DYNC2H1: variants seen among roughly 807,000 people sequenced by gnomAD.
The protein encoded by DYNC2H1 is cytoplasmic dynein 2 heavy chain 1.
DYNC2H1 carries 410 observed loss-of-function variants against 570.0 expected under a neutral mutation model. The observed-to-expected ratio is 0.72, with a 90% CI of 0.66 to 0.78. The LOEUF (loss-of-function observed/expected upper bound fraction) is 0.78, where lower values mean the gene tolerates loss of function less well. Ranked by LOEUF, DYNC2H1 falls within the 30% of genes least tolerant of loss-of-function variation. The pLI is 0.00. For synonymous variants in DYNC2H1, 1,688 were observed against 1,677.6 expected, an observed-to-expected ratio of 1.01 and a Z score of -0.15; for missense variants, 4,865 against 5,046.4, an observed-to-expected ratio of 0.96 and a Z score of 1.09.
chr11:103,441,733 T>A (rs1944275659), intron 85 of DYNC2H1, among the ~76,000 whole-genome samples: 1 of 152,192 alleles, frequency 6.6e-6, no homozygotes, highest in Non-Finnish European at 1.5e-5. Context: ...TCTATCTAAA[T>A]CTACCCATAA....
Position 103,191,642 on chromosome 11 carries a change from T to TTG in DYNC2H1, c.7540+42_7540+43dup, listed in dbSNP as rs146014868. ...GAGGTGAGTTTTGCTAGTGTGTATC[T>TTG]TGTGTGTGTGTGTGTGTGTGCACAT... On this transcript the variant is annotated intron_variant, in intron 46 of 88. Transcript: ENST00000375735. 0.086 allele frequency: 116,688 copies of TTG among 1,363,006 alleles called. 3,384 individuals are homozygous for TTG. Among genetic ancestry groups the TTG allele is most frequent in the East Asian group, 0.12 (4,872 of 41,434 alleles). The allele number at this position is 1,363,006 out of a possible 1,614,324, so 84.4% of individuals were successfully genotyped here.
chr11:103,447,219 T>A (rs961726321), intron 85 of DYNC2H1, among the ~76,000 whole-genome samples: 1 of 152,154 alleles, frequency 6.6e-6, no homozygotes, highest in African/African-American at 2.4e-5. Flanking sequence ...ATAAGTTTAA[T>A]TTAAAAAATA....
chr11:103,149,553 G>A (rs564070175), intron 20 of DYNC2H1, among the ~76,000 whole-genome samples: 1 of 152,278 alleles, frequency 6.6e-6, no homozygotes, highest in Admixed American at 6.5e-5. Flanking sequence ...TTATGTGATA[G>A]ACTTAAAGGT....
Position 103,236,476 on chromosome 11 carries a change from T to C in DYNC2H1, c.9756T>C (p.Ile3252=). The C allele has an allele frequency of 1.9e-6, 3 of 1,610,318 alleles. No homozygotes were observed. The highest frequency in any genetic ancestry group is 1.3e-5 in the African/African-American group (1 of 74,930). ...RFLCTESEQL[I]WKSEGLPSDD... ...TTTGTACTGAAAGTGAGCAGTTAATTTGGAAAAGTGAAGGCCTACCATCAG... is the reference window on the plus strand; with the variant it reads ...TTTGTACTGAAAGTGAGCAGTTAATCTGGAAAAGTGAAGGCCTACCATCAG... The change falls in exon 63 of 89, where the codon ATT becomes ATC. Residue 3252 remains isoleucine (I), a synonymous_variant. Transcript: ENST00000375735.
chr11:103,122,623 G>A (rs947686604), intron 10 of DYNC2H1, among the ~76,000 whole-genome samples: 8 of 152,080 alleles, frequency 5.3e-5, no homozygotes, highest in East Asian at 1.9e-4. Flanking sequence ...ATCCTCTTGC[G>A]TTTGCTCTTC....
chr11:103,113,834 T>G, intron 2 of DYNC2H1, 127 bp downstream of exon 2: 1 of 868,980 alleles, frequency 1.2e-6, no homozygotes, highest in East Asian at 3.2e-5. Context: ...TATCTTTTCT[T>G]AACTTTTTTT....
rs1862730721 is a variant in DYNC2H1, at chr11:103,201,857, G to A, written c.8197+1703G>A. Among the ~76,000 whole-genome samples the A allele has an allele frequency of 6.6e-6, 1 of 152,118 alleles. No homozygotes were observed. Among genetic ancestry groups the A allele is most frequent in the South Asian group, 2.1e-4 (1 of 4,824 alleles). On this transcript the variant is annotated intron_variant, in intron 50 of 88. Transcript: ENST00000375735. The surrounding 1 kb of genome is among the most constrained non-coding windows in gnomAD (Gnocchi z 4.8). The stretch of plus-strand genomic sequence containing the variant: ...TAGCTTAGTTTTAAACTTGGATCAA[G>A]AGTGTTTTGTTATTTAAGTACAAAA...
intron 84 of DYNC2H1, among the ~76,000 whole-genome samples, chr11:103,424,525 CTTAATTT>C (rs1415163168): frequency 6.6e-6 from 1 of 152,092 alleles, no homozygotes. Flanking sequence ...TTCAAAGCAA[CTTAATTT>C]TTAAGAGTCA....
At chr11:103,160,217 T>G (rs1861031343) in intron 28 of DYNC2H1, among the ~76,000 whole-genome samples, 1 of 152,132 alleles carries the variant, frequency 6.6e-6, no homozygotes, top group South Asian at 2.1e-4. Flanking sequence ...AGTTTTTTTG[T>G]GAAGATCAAA....
intron 54 of DYNC2H1, among the ~76,000 whole-genome samples, chr11:103,213,203 C>T (rs2135126214): frequency 6.6e-6 from 1 of 152,146 alleles, no homozygotes; most frequent in East Asian, 1.9e-4. Context: ...CCCACCAGAA[C>T]CATATGTGAG....
intron 50 of DYNC2H1, among the ~76,000 whole-genome samples, chr11:103,202,449 C>T (rs586969): frequency 0.85 from 128,461 of 152,004 alleles, 55,519 homozygotes; most frequent in Non-Finnish European, 0.93. Context: ...ATTCAGTAGG[C>T]TTGGTTTCTT....
chr11:103,283,090 T>G lies in DYNC2H1; in HGVS notation c.10890+5T>G. 6.3e-7 allele frequency: 1 copy of G among 1,598,988 alleles called. No homozygotes were observed. The highest frequency in any genetic ancestry group is 2.2e-5 in the East Asian group (1 of 44,606). On this transcript the variant is annotated splice_donor_5th_base_variant and intron_variant, in intron 73 of 88. Coordinates refer to ENST00000375735, the MANE Select transcript of DYNC2H1 (RefSeq NM_001377.3). ...TGGGCCGTGGCAACATTAAAGGTAT[T>G]CCTTTTCTACTATGAGACATGTTTT...
chr11:103,207,055 G>A (rs1591408285), intron 52 of DYNC2H1, among the ~76,000 whole-genome samples: 2 of 152,100 alleles, frequency 1.3e-5, no homozygotes, highest in South Asian at 4.2e-4. Flanking sequence ...TCGAGTAGCT[G>A]AGATTACAGG....
rs574572951 is a variant in DYNC2H1 at position 103,187,234 on chromosome 11, A to G, written c.6894-106A>G. The G allele has an allele frequency of 6.6e-5, 97 of 1,473,412 alleles. No homozygotes were observed. In the African/African-American group the frequency reaches 1.1e-3, roughly 17 times the overall value. The allele number at this position is 1,473,412 out of a possible 1,614,324, so 91.3% of individuals were successfully genotyped here. A position where few individuals can be genotyped will look rare whatever the true frequency, so the allele number is the denominator to read the frequency against. ...TACCATTTTTCCTATCATCATATAC[A>G]TTTTAGAAACTGAAATATTTATGAG... On this transcript the variant is annotated intron_variant, in intron 42 of 88. Transcript: ENST00000375735.
intron 82 of DYNC2H1, among the ~76,000 whole-genome samples, chr11:103,335,505 G>A (rs1021287428): frequency 3.3e-5 from 5 of 151,954 alleles, no homozygotes; most frequent in Non-Finnish European, 7.4e-5. Context: ...TTAGCAGAGA[G>A]GAGAAAAATA....
At chr11:103,438,225 A>G in intron 85 of DYNC2H1, among the ~76,000 whole-genome samples, 1 of 151,998 alleles carries the variant, frequency 6.6e-6, no homozygotes, top group East Asian at 1.9e-4. Context: ...TTTAAATTAT[A>G]AATATATATA....
rs539786026 is a variant in DYNC2H1 at position 103,254,785 on chromosome 11, T to G, written c.10207-630T>G. On this transcript the variant is annotated intron_variant, in intron 66 of 88. Coordinates refer to ENST00000375735, the MANE Select transcript of DYNC2H1 (RefSeq NM_001377.3). This position sits in a 1 kb window ranked among gnomAD's most constrained non-coding sequence, Gnocchi z 4.9. Reference sequence around the variant, plus strand: ...TTTTATTTGTTTATTTTATTTTATTTTTTTGAGACGGAGTCTGGCACTGTT... The same window carrying G: ...TTTTATTTGTTTATTTTATTTTATTGTTTTGAGACGGAGTCTGGCACTGTT... 6.6e-6 allele frequency among the ~76,000 whole-genome samples: 1 copy of G among 152,134 alleles called. No individual in the cohort carries two copies. Among genetic ancestry groups the G allele is most frequent in the Non-Finnish European group, 1.5e-5 (1 of 68,030 alleles).
intron 83 of DYNC2H1, among the ~76,000 whole-genome samples, chr11:103,391,605 GT>G (rs1312214722): frequency 6.6e-6 from 1 of 152,178 alleles, no homozygotes; most frequent in Non-Finnish European, 1.5e-5. Context: ...TTTCTGCTCT[GT>G]TTTTTCCCCA....
chr11:103,323,921 C>CG lies in DYNC2H1; in HGVS notation c.11971dup (p.Asp3991GlyfsTer4). 1.2e-6 allele frequency: 2 copies of CG among 1,612,542 alleles called. No individual in the cohort carries two copies. Among genetic ancestry groups the CG allele is most frequent in the Non-Finnish European group, 1.7e-6 (2 of 1,179,070 alleles). Reference sequence around the variant, plus strand: ...CTGTCATTGAGAAAATTCCAGAGGACGACAAACCTAGTTTCTTTGGTCTGC... The same window carrying CG: ...CTGTCATTGAGAAAATTCCAGAGGACGGACAAACCTAGTTTCTTTGGTCTGC... On this transcript the variant is annotated frameshift_variant, in exon 82 of 89. Transcript: ENST00000375735. LOFTEE classifies it high-confidence loss of function.
Sources: allele counts gnomAD v4.1 joint callset (sites outside exome capture counted in the v4.1 genomes callset), GRCh38; gene constraint gnomAD v4.1.1; non-coding constraint Gnocchi (gnomAD v3.1); transcripts MANE v1.5; gene names NCBI Gene and HGNC (gene_info 2026-07-23, HGNC 2026-07-21).